IL1RAPL2: variants seen among roughly 807,000 people sequenced by gnomAD.
The protein encoded by IL1RAPL2 is interleukin 1 receptor accessory protein like 2.
In IL1RAPL2, 3 loss-of-function variants were observed where a neutral mutation model predicts 44.1. The ratio of observed to expected loss-of-function variants is 0.07; its 90% CI spans 0.03 to 0.18. IL1RAPL2 has a LOEUF of 0.18. Ranked by LOEUF, IL1RAPL2 falls within the 10% of genes least tolerant of loss-of-function variation. IL1RAPL2 has a pLI of 1.00. For synonymous variants in IL1RAPL2, 181 were observed against 178.8 expected, an observed-to-expected ratio of 1.01 and a Z score of -0.10; for missense variants, 391 against 496.4, an observed-to-expected ratio of 0.79 and a Z score of 2.02.
intron 3 of IL1RAPL2, among the ~76,000 whole-genome samples, chrX:105,218,235 C>A: frequency 9.0e-6 from 1 of 111,539 alleles, no homozygotes; most frequent in Non-Finnish European, 1.9e-5. Flanking sequence ...TCTGGAGTCA[C>A]AGGATGATTC....
chrX:104,833,376 G>A (rs1227049527), intron 2 of IL1RAPL2, among the ~76,000 whole-genome samples: 1 of 112,130 alleles, frequency 8.9e-6, no homozygotes, highest in Non-Finnish European at 1.9e-5. Context: ...ATTTTTGAAT[G>A]CTGAAACTAA....
intron 2 of IL1RAPL2, among the ~76,000 whole-genome samples, chrX:104,745,651 G>A (rs1932161716): frequency 9.0e-6 from 1 of 111,592 alleles, no homozygotes; most frequent in Admixed American, 9.5e-5. Flanking sequence ...GTAAAATATT[G>A]CAATGAGAGC....
intron 2 of IL1RAPL2, among the ~76,000 whole-genome samples, chrX:104,899,790 C>T (rs968748687): frequency 2.7e-5 from 3 of 111,850 alleles, no homozygotes; most frequent in African/African-American, 9.8e-5. Context: ...TGACAAGATA[C>T]TCCAACTTAT....
chrX:105,758,905 G>A, intron 10 of IL1RAPL2, among the ~76,000 whole-genome samples: 1 of 112,102 alleles, frequency 8.9e-6, no homozygotes, highest in South Asian at 3.7e-4. Flanking sequence ...GAGAAGTAGA[G>A]ATTTTTCTCA....
intron 5 of IL1RAPL2, among the ~76,000 whole-genome samples, chrX:105,447,693 AATAT>A (rs1395360432): frequency 9.6e-5 from 8 of 83,712 alleles, no homozygotes; most frequent in Non-Finnish European, 1.5e-4. Flanking sequence ...TAAAAATATA[AATAT>A]ATATAAATAT....
intron 2 of IL1RAPL2, among the ~76,000 whole-genome samples, chrX:105,010,191 C>T (rs374089355): frequency 9.1e-6 from 1 of 110,433 alleles, no homozygotes; most frequent in South Asian, 3.8e-4. Context: ...TTCTATTAAC[C>T]CAGAAATGCC....
rs778587455 is a variant in IL1RAPL2, at chrX:105,253,327, T to C, written c.544-14061T>C. Among the ~76,000 whole-genome samples the C allele has an allele frequency of 5.4e-5, 6 of 111,157 alleles. No homozygotes were observed. In the Admixed American group the frequency reaches 5.8e-4, roughly 11 times the overall value. On this transcript the variant is annotated intron_variant, in intron 4 of 10. Coordinates refer to ENST00000372582, the MANE Select transcript of IL1RAPL2 (RefSeq NM_017416.2). ...AACTCATTGGTTCTTTCCTCAGCTA[T>C]GTAGTCTATTAATAAGCCCATCAGA... is the stretch of plus-strand genomic sequence containing the variant.
chrX:104,776,820 G>A (rs1255857320), intron 2 of IL1RAPL2, among the ~76,000 whole-genome samples: 1 of 111,856 alleles, frequency 8.9e-6, no homozygotes, highest in Non-Finnish European at 1.9e-5. Flanking sequence ...TGGTATATTT[G>A]TAGAATATAT....
At chrX:105,308,264 G>A (rs1293996191) in intron 5 of IL1RAPL2, among the ~76,000 whole-genome samples, 1 of 111,615 alleles carries the variant, frequency 9.0e-6, no homozygotes, top group Non-Finnish European at 1.9e-5. Flanking sequence ...ACTAAAATAT[G>A]CAGAAACCTG....
chrX:104,660,186 T>C (rs1224474989), intron 2 of IL1RAPL2, among the ~76,000 whole-genome samples: 1 of 111,645 alleles, frequency 9.0e-6, no homozygotes, highest in Non-Finnish European at 1.9e-5. Context: ...TTTTACCTAT[T>C]ATCTCTCCAG....
chrX:104,634,235 A>C (rs1050309074), intron 1 of IL1RAPL2, among the ~76,000 whole-genome samples: 2 of 111,355 alleles, frequency 1.8e-5, no homozygotes, highest in African/African-American at 6.5e-5. Context: ...CTGTTCTTTT[A>C]CATTTGCTGA....
rs139172977 is a variant in IL1RAPL2, at chrX:105,300,441, A to G, written c.697+32900A>G. Among the ~76,000 whole-genome samples, 37 of 110,749 alleles carry G rather than the reference A, an allele frequency of 3.3e-4. 1 individual carries two copies. In the East Asian group the frequency reaches 0.01, roughly 30 times the overall value. The stretch of plus-strand genomic sequence containing the variant: ...AAAACTCACTCACTATCATGAGACC[A>G]GCACGAAGAGGATGGTGCTAAACCA... On this transcript the variant is annotated intron_variant, in intron 5 of 10. Coordinates refer to ENST00000372582, the MANE Select transcript of IL1RAPL2 (RefSeq NM_017416.2).
chrX:105,144,526 T>C (rs1409517254), intron 2 of IL1RAPL2, among the ~76,000 whole-genome samples: 1 of 111,262 alleles, frequency 9.0e-6, no homozygotes, highest in Non-Finnish European at 1.9e-5. Context: ...CTGGTAAAGA[T>C]GTTCAGGACT....
chrX:104,990,412 G>A (rs1257564653), intron 2 of IL1RAPL2, among the ~76,000 whole-genome samples: 3 of 85,272 alleles, frequency 3.5e-5, no homozygotes, highest in African/African-American at 1.2e-4. Context: ...GGGGTTGGAG[G>A]TGTATGTTTT....
chrX:104,940,974 G>T (rs1183224760), intron 2 of IL1RAPL2, among the ~76,000 whole-genome samples: 4 of 104,057 alleles, frequency 3.8e-5, no homozygotes, highest in Admixed American at 1.1e-4. Context: ...AGAACATGTG[G>T]TGTTTGGTTT....
At chrX:104,770,443 C>T (rs1311334082) in intron 2 of IL1RAPL2, among the ~76,000 whole-genome samples, 2 of 111,599 alleles carry the variant, frequency 1.8e-5, no homozygotes, top group Non-Finnish European at 3.8e-5. Flanking sequence ...ACAACCACCA[C>T]CCCCATCATC....
chrX:105,213,193 C>T (rs1479493620), intron 3 of IL1RAPL2, among the ~76,000 whole-genome samples: 1 of 109,891 alleles, frequency 9.1e-6, no homozygotes, highest in Non-Finnish European at 1.9e-5. Context: ...GCAAAAGGAG[C>T]ATGTTCTAAC....
At chrX:105,081,768 G>T (rs946517343) in intron 2 of IL1RAPL2, among the ~76,000 whole-genome samples, 5 of 111,723 alleles carry the variant, frequency 4.5e-5, no homozygotes, top group African/African-American at 1.6e-4. Context: ...TTATGTGATG[G>T]ATTATGTATA....
At chrX:105,207,375 C>G (rs2033772524) in intron 3 of IL1RAPL2, among the ~76,000 whole-genome samples, 1 of 111,684 alleles carries the variant, frequency 9.0e-6, no homozygotes, top group African/African-American at 3.3e-5. Context: ...CATAGTCTAG[C>G]AACTAAACAT....
Sources: gnomAD v4.1 joint callset for allele counts (sites outside exome capture counted in the v4.1 genomes callset) on GRCh38, gnomAD v4.1.1 for gene constraint, MANE v1.5 for transcripts, NCBI Gene and HGNC (gene_info 2026-07-23, HGNC 2026-07-21) for gene names.